RAB12: variants seen among roughly 807,000 people sequenced by gnomAD.
The protein encoded by RAB12 is RAB12, member RAS oncogene family.
In RAB12, 11 loss-of-function variants were observed where a neutral mutation model predicts 28.4. That is an observed-to-expected ratio of 0.39 (90% CI 0.24 to 0.64). The LOEUF is 0.64. RAB12 is among the 30% of genes least tolerant of loss of function. The probability of loss-of-function intolerance (pLI) is 0.50; values close to 1 mark genes in which losing one functional copy is unlikely to be tolerated. For synonymous variants in RAB12, 138 were observed against 145.3 expected, an observed-to-expected ratio of 0.95 and a Z score of 0.36; for missense variants, 276 against 351.1, an observed-to-expected ratio of 0.79 and a Z score of 1.71.
At position 8,609,846 on chromosome 18, in the gene RAB12, A is replaced by T; in HGVS notation, c.407A>T (p.Asp136Val). ...AGGAAGCAGCCCCCCAGGCCGGCCG[A>T]CTTCAAGTTGCAGGTCATCATTATC... ...RRRKQPPRPA[D>V]FKLQVIIIGS... is the part of the protein sequence containing the mutation. The change falls in exon 1 of 6, where the codon GAC (aspartate) becomes GTC (valine). Residue 136 changes from aspartate to valine, a missense_variant. Transcript: ENST00000649141. The T allele has an allele frequency of 3.8e-6, 6 of 1,581,474 alleles. No homozygotes were observed. Among genetic ancestry groups the T allele is most frequent in the Non-Finnish European group, 5.1e-6 (6 of 1,166,238 alleles).
chr18:8,635,446 C>T (rs2096018315), intron 3 of RAB12, 87 bp from the exon 4 acceptor site: 19 of 990,404 alleles, frequency 1.9e-5, no homozygotes, highest in East Asian at 8.1e-5. Flanking sequence ...TGTAAATTAG[C>T]GAAAAATACT....
chr18:8,625,050 A>G (rs772304348), intron 2 of RAB12, 52 bp downstream of exon 2: 6 of 1,148,698 alleles, frequency 5.2e-6, no homozygotes, highest in South Asian at 2.7e-5. Flanking sequence ...TTAACAGTCC[A>G]TGTACTTGTC....
At position 8,638,936 on chromosome 18, in the gene RAB12, A is replaced by G. The variant is rs1043416562; in HGVS notation, c.*674A>G. ...TGCTTTTAAGAACTACAAAGATTCA[A>G]TAAAGAAAGAAATGTTTTTGAAACT... On this transcript the variant is annotated 3_prime_UTR_variant, in exon 6 of 6. Coordinates refer to ENST00000649141, the MANE Select transcript of RAB12 (RefSeq NM_001025300.3). The G allele has an allele frequency of 2.0e-5, 3 of 152,222 alleles. No individual in the cohort carries two copies. Among genetic ancestry groups the G allele is most frequent in the African/African-American group, 7.2e-5 (3 of 41,458 alleles). The allele number at this position is 152,222 out of a possible 1,614,324, so 9.4% of individuals were successfully genotyped here.
rs117965814 is a variant in RAB12, at chr18:8,622,155, A to G, written c.515-2783A>G. 5.9e-5 allele frequency among the ~76,000 whole-genome samples: 9 copies of G among 152,344 alleles called. No individual in the cohort carries two copies. The East Asian group carries it at 9.6e-4, about 16-fold the overall frequency. ...TAGCTGTTTCAGGGACTCTTAGTCA[A>G]TTTGAAGCAGAGCTCAAAAGAAATA... On this transcript the variant is annotated intron_variant, in intron 1 of 5. Coordinates refer to ENST00000649141, the MANE Select transcript of RAB12 (RefSeq NM_001025300.3).
At chr18:8,630,166 A>G (rs1032370613) in intron 2 of RAB12, among the ~76,000 whole-genome samples, 4 of 152,196 alleles carry the variant, frequency 2.6e-5, no homozygotes, top group African/African-American at 9.6e-5. Flanking sequence ...GGTCCTGACA[A>G]CCTGTGCCCA....
In RAB12 at chr18:8,633,244, G is replaced by A; in HGVS notation, c.631G>A (p.Ala211Thr). ...CATTACCTCAGCTTATTACAGAAGT[G>A]CCAAGGGGATCATATTAGTATATGA... ...NSITSAYYRS[A>T]KGIILVYDIT... Residue 211 changes from alanine (A) to threonine (T), a missense_variant, in exon 3 of 6, where the codon GCC (alanine) becomes ACC (threonine). Physicochemically the swap from Ala to Thr is moderately conservative, Grantham distance 58. Coordinates refer to ENST00000649141, the MANE Select transcript of RAB12 (RefSeq NM_001025300.3). 1 of 1,614,076 alleles carries A rather than the reference G, an allele frequency of 6.2e-7. No individual in the cohort carries two copies. The highest frequency in any genetic ancestry group is 8.5e-7 in the Non-Finnish European group (1 of 1,179,980).
Position 8,609,678 on chromosome 18 carries a change from G to C in RAB12, c.239G>C (p.Arg80Pro), listed in dbSNP as rs1377580998. 25 of 920,646 alleles carry C rather than the reference G, an allele frequency of 2.7e-5. No individual in the cohort carries two copies. The highest frequency in any genetic ancestry group is 3.0e-5 in the Non-Finnish European group (23 of 773,930). The allele number at this position is 920,646 out of a possible 1,614,324, so 57.0% of individuals were successfully genotyped here. A position where few individuals can be genotyped will look rare whatever the true frequency, so the allele number is the denominator to read the frequency against. Residue 80 changes from arginine to proline, a missense_variant, in exon 1 of 6, where the codon CGG (arginine) becomes CCG (proline). Arg to Pro is a moderately radical substitution (Grantham distance 103, BLOSUM62 -2). This residue lies in a region of RAB12 where 72 missense variants were observed against 55.5 expected (regional missense o/e 1.30). Transcript: ENST00000649141. ...EGAPGPGARSRGAGGGGRRAE... is the reference protein window; with the variant it reads ...EGAPGPGARSPGAGGGGRRAE... The stretch of plus-strand genomic sequence containing the variant: ...GCGCCGGGGCCCGGGGCGCGCAGCC[G>C]GGGGGCGGGCGGCGGCGGGCGGCGG...
intron 1 of RAB12, among the ~76,000 whole-genome samples, chr18:8,622,755 G>A (rs188173463): frequency 2.3e-4 from 35 of 152,280 alleles, no homozygotes; most frequent in Non-Finnish European, 4.1e-4. Context: ...GGAGCACTAC[G>A]GGAGACTGGG....
At position 8,631,499 on chromosome 18, in the gene RAB12, C is replaced by A. The variant is rs368450797; in HGVS notation, c.576-1690C>A. 5.3e-4 allele frequency among the ~76,000 whole-genome samples: 81 copies of A among 152,256 alleles called. 1 individual carries two copies. In the East Asian group the frequency reaches 0.012, roughly 23 times the overall value. ...CACTACTGCCCTGCTGGCTGCAGAG[C>A]GGCTCAGATACGGCTGTCATCCAAG... On this transcript the variant is annotated intron_variant, in intron 2 of 5. Transcript: ENST00000649141.
chr18:8,635,357 T>G (rs2096018269), intron 3 of RAB12, 176 bp from the exon 4 acceptor site: 3 of 510,374 alleles, frequency 5.9e-6, no homozygotes, highest in Non-Finnish European at 1.0e-5. Context: ...TAAGACACAG[T>G]GAGCCCTGCC....
chr18:8,620,757 A>G (rs2096009463), intron 1 of RAB12, among the ~76,000 whole-genome samples: 1 of 152,172 alleles, frequency 6.6e-6, no homozygotes, highest in Admixed American at 6.5e-5. Context: ...GAGGGCAGGC[A>G]CGTAGCCTGT....
intron 2 of RAB12, among the ~76,000 whole-genome samples, chr18:8,627,431 A>G (rs1431551579): frequency 6.6e-6 from 1 of 152,146 alleles, no homozygotes; most frequent in Non-Finnish European, 1.5e-5. Context: ...AAAGTACCAA[A>G]AGCTGCAGGT....
intron 1 of RAB12, among the ~76,000 whole-genome samples, chr18:8,616,466 C>G (rs1454269450): frequency 6.6e-6 from 1 of 152,014 alleles, no homozygotes; most frequent in Non-Finnish European, 1.5e-5. Flanking sequence ...AATGTTTTCC[C>G]TCCAACTCTG....
intron 5 of RAB12, 73 bp from the exon 6 acceptor site, chr18:8,638,076 C>A: frequency 1.1e-6 from 1 of 936,462 alleles, no homozygotes; most frequent in Non-Finnish European, 1.7e-6. Flanking sequence ...AGTTGAAACT[C>A]ATGTTCAAGG....
At position 8,609,820 on chromosome 18, in the gene RAB12, G is replaced by A. The variant is rs1314012964; in HGVS notation, c.381G>A (p.Arg127=). 1.3e-6 allele frequency: 2 copies of A among 1,511,306 alleles called. No homozygotes were observed. Among genetic ancestry groups the A allele is most frequent in the Non-Finnish European group, 1.8e-6 (2 of 1,131,890 alleles). 93.6% of individuals were successfully genotyped at this position (1,511,306 alleles called of 1,614,324 possible). A position where few individuals can be genotyped will look rare whatever the true frequency, so the allele number is the denominator to read the frequency against. Residue 127 remains arginine (R), a synonymous_variant, in exon 1 of 6, where the codon CGG becomes CGA. Coordinates refer to ENST00000649141, the MANE Select transcript of RAB12 (RefSeq NM_001025300.3). ...SPALSGGQGR[R]RKQPPRPADF... is the part of the protein sequence containing the mutation. ...CGCTGTCGGGCGGCCAGGGCCGCCGGAGGAAGCAGCCCCCCAGGCCGGCCG... is the reference window on the plus strand; with the variant it reads ...CGCTGTCGGGCGGCCAGGGCCGCCGAAGGAAGCAGCCCCCCAGGCCGGCCG...
At chr18:8,630,892 G>GT (rs2096015583) in intron 2 of RAB12, among the ~76,000 whole-genome samples, 1 of 151,504 alleles carries the variant, frequency 6.6e-6, no homozygotes, top group East Asian at 1.9e-4. Flanking sequence ...TTTTGTTTTT[G>GT]TTTTTGTTTT....
intron 3 of RAB12, among the ~76,000 whole-genome samples, chr18:8,633,748 G>C (rs2096017277): frequency 6.6e-6 from 1 of 152,148 alleles, no homozygotes; most frequent in Non-Finnish European, 1.5e-5. Context: ...TCACCCACTG[G>C]ACATCTGTCC....
intron 1 of RAB12, among the ~76,000 whole-genome samples, chr18:8,618,893 C>T (rs2096008217): frequency 6.6e-6 from 1 of 152,158 alleles, no homozygotes; most frequent in Non-Finnish European, 1.5e-5. Flanking sequence ...AGAAGACTGG[C>T]CTTATGCCCA....
At chr18:8,621,029 C>T (rs182819555) in intron 1 of RAB12, among the ~76,000 whole-genome samples, 1 of 152,286 alleles carries the variant, frequency 6.6e-6, no homozygotes, top group Non-Finnish European at 1.5e-5. Context: ...GGACTGTCCC[C>T]ATCAACAGTG....
Sources: gnomAD v4.1 joint callset for allele counts (sites outside exome capture counted in the v4.1 genomes callset) on GRCh38, gnomAD v4.1.1 for gene constraint, gnomAD v4.1.1 regional missense constraint, MANE v1.5 for transcripts, NCBI Gene and HGNC (gene_info 2026-07-23, HGNC 2026-07-21) for gene names.